The following DCLK2 variants were observed in gnomAD, a reference collection of about 807,000 sequenced individuals.
DCLK2 encodes the protein doublecortin like kinase 2, also known as serine/threonine-protein kinase DCLK2.
DCLK2 carries 31 observed loss-of-function variants against 78.4 expected under a neutral mutation model. That is an observed-to-expected ratio of 0.40 (90% CI 0.30 to 0.53). The LOEUF is 0.53. Among genes scored for constraint, DCLK2 ranks in the 20% least tolerant of loss-of-function variants. The pLI, the probability that DCLK2 is intolerant of heterozygous loss-of-function variation, is 0.61. For missense variants in DCLK2, 872 were observed against 973.7 expected (o/e 0.90, Z 1.39); for synonymous variants, 407 against 374.9 (o/e 1.09, Z -0.99).
chr4:150,140,222 GCTTAT>G (rs1180334146), intron 2 of DCLK2, among the ~76,000 whole-genome samples: 2 of 152,200 alleles, frequency 1.3e-5, no homozygotes, highest in African/African-American at 4.8e-5. Context: ...TGATTTGTTA[GCTTAT>G]CTTCTTTAAT....
At chr4:150,131,221 C>T (rs1160442534) in intron 2 of DCLK2, among the ~76,000 whole-genome samples, 1 of 152,008 alleles carries the variant, frequency 6.6e-6, no homozygotes, top group Non-Finnish European at 1.5e-5. Flanking sequence ...CACATGGCAG[C>T]TCACCATTGT....
chr4:150,213,848 T>C (rs1191988353), intron 5 of DCLK2, among the ~76,000 whole-genome samples: 1 of 152,232 alleles, frequency 6.6e-6, no homozygotes, highest in Admixed American at 6.5e-5. Context: ...GCAGGACTTT[T>C]CTCATAAACT....
intron 2 of DCLK2, among the ~76,000 whole-genome samples, chr4:150,133,043 T>C (rs1393113607): frequency 6.6e-6 from 1 of 152,204 alleles, no homozygotes; most frequent in Non-Finnish European, 1.5e-5. Context: ...GCCAACATCA[T>C]TATTACTCAC....
intron 8 of DCLK2, among the ~76,000 whole-genome samples, chr4:150,227,537 T>C (rs192886785): frequency 6.6e-5 from 10 of 152,238 alleles, no homozygotes; most frequent in African/African-American, 2.2e-4. Flanking sequence ...GTCTACCAGG[T>C]GGTGAGAACA....
At chr4:150,091,769 A>G (rs62339910) in intron 1 of DCLK2, among the ~76,000 whole-genome samples, 8,602 of 117,168 alleles carry the variant, frequency 0.073, 796 homozygotes, top group African/African-American at 0.19. Context: ...AGGAACATTT[A>G]TGTGTGTGTG....
chr4:150,255,471 G>C (rs1744491142), intron 15 of DCLK2, among the ~76,000 whole-genome samples: 1 of 152,276 alleles, frequency 6.6e-6, no homozygotes, highest in Admixed American at 6.5e-5. Flanking sequence ...TTTGCTTCAT[G>C]TGAAGAGAAG....
chr4:150,205,062 A>G (rs948535778), intron 5 of DCLK2, among the ~76,000 whole-genome samples: 1 of 152,186 alleles, frequency 6.6e-6, no homozygotes, highest in African/African-American at 2.4e-5. Flanking sequence ...TGTATTTTCC[A>G]AAGTTGGTTC....
At chr4:150,197,777 G>T (rs1302216404) in intron 3 of DCLK2, among the ~76,000 whole-genome samples, 3 of 150,716 alleles carry the variant, frequency 2.0e-5, no homozygotes, top group Non-Finnish European at 4.4e-5. Context: ...CTGGGAAACG[G>T]GAACAAAACT....
intron 5 of DCLK2, among the ~76,000 whole-genome samples, chr4:150,212,610 A>G (rs1285104320): frequency 6.6e-6 from 1 of 152,214 alleles, no homozygotes; most frequent in African/African-American, 2.4e-5. Context: ...CCCTAACAAA[A>G]TAAGTCATAA....
chr4:150,118,187 G>C (rs1048548318), intron 2 of DCLK2, among the ~76,000 whole-genome samples: 2 of 151,978 alleles, frequency 1.3e-5, no homozygotes, highest in African/African-American at 4.8e-5. Flanking sequence ...CAAATAAGCT[G>C]ATCAGGCTCT....
intron 12 of DCLK2, among the ~76,000 whole-genome samples, chr4:150,244,475 C>G (rs993861250): frequency 9.2e-5 from 14 of 152,146 alleles, no homozygotes; most frequent in African/African-American, 3.1e-4. Context: ...TCAGGTTTAC[C>G]TTTTCTGAAT....
intron 1 of DCLK2, 65 bp downstream of exon 1, chr4:150,079,513 C>G (rs1729085832): frequency 3.5e-6 from 5 of 1,409,274 alleles, no homozygotes; most frequent in Non-Finnish European, 4.7e-6. Flanking sequence ...GGGCGTGAGC[C>G]GGCGCAGCGG....
At chr4:150,184,087 T>C (rs1218213966) in intron 2 of DCLK2, among the ~76,000 whole-genome samples, 1 of 152,202 alleles carries the variant, frequency 6.6e-6, no homozygotes, top group Non-Finnish European at 1.5e-5. Flanking sequence ...GCAAAGCCTA[T>C]ATGCTAGGTG....
intron 8 of DCLK2, among the ~76,000 whole-genome samples, chr4:150,226,039 A>G (rs1482080916): frequency 6.6e-6 from 1 of 152,210 alleles, no homozygotes; most frequent in Admixed American, 6.5e-5. Flanking sequence ...TTTAGAATTT[A>G]TAATTAGCAG....
chr4:150,231,643 A>G (rs762923263), intron 8 of DCLK2, among the ~76,000 whole-genome samples: 6 of 152,180 alleles, frequency 3.9e-5, no homozygotes, highest in Non-Finnish European at 8.8e-5. Flanking sequence ...GCTGATCCCA[A>G]CTGTGTTACT....
At chr4:150,157,092 G>C (rs1041924287) in intron 2 of DCLK2, among the ~76,000 whole-genome samples, 1 of 151,120 alleles carries the variant, frequency 6.6e-6, no homozygotes, top group African/African-American at 2.4e-5. Flanking sequence ...TTTCTAGTGT[G>C]TATGTATCAG....
At chr4:150,121,069 C>T (rs1560789010) in intron 2 of DCLK2, among the ~76,000 whole-genome samples, 2 of 151,150 alleles carry the variant, frequency 1.3e-5, no homozygotes, top group East Asian at 1.9e-4. Context: ...GAAACTTTGT[C>T]TAAAAAAAAA....
At chr4:150,110,720 G>T (rs555120561) in intron 2 of DCLK2, among the ~76,000 whole-genome samples, 2 of 152,092 alleles carry the variant, frequency 1.3e-5, no homozygotes, top group African/African-American at 4.8e-5. Flanking sequence ...CCACTTAAAA[G>T]TGAGAAAATA....
At chr4:150,135,861 C>T (rs1320974382) in intron 2 of DCLK2, among the ~76,000 whole-genome samples, 1 of 152,122 alleles carries the variant, frequency 6.6e-6, no homozygotes. Flanking sequence ...GCTCTATTAA[C>T]CAAGGAAGCT....
Sources: gnomAD v4.1 joint callset for allele counts (sites outside exome capture counted in the v4.1 genomes callset) on GRCh38, gnomAD v4.1.1 for gene constraint, MANE v1.5 for transcripts, NCBI Gene and HGNC (gene_info 2026-07-23, HGNC 2026-07-21) for gene names.